The following KANK1 variants were observed in gnomAD, a reference collection of about 807,000 sequenced individuals.
KANK1 encodes KN motif and ankyrin repeat domains 1, also known as KN motif and ankyrin repeat domain-containing protein 1.
A neutral mutation model predicts 106.2 loss-of-function variants in KANK1; 109 were observed. The observed-to-expected ratio is 1.03, with a 90% CI of 0.88 to 1.20. The LOEUF is 1.20. Ranked by LOEUF, KANK1 falls within the 50% of genes most tolerant of loss-of-function variation. The probability of loss-of-function intolerance (pLI) is 0.00; values close to 1 mark genes in which losing one functional copy is unlikely to be tolerated. For synonymous variants in KANK1, 873 were observed against 652.2 expected, an observed-to-expected ratio of 1.34 and a Z score of -5.16; for missense variants, 2,399 against 1,710.7, an observed-to-expected ratio of 1.40 and a Z score of -7.10.
chr9:744,506 C>T lies in KANK1; in HGVS notation c.3913C>T (p.Leu1305Phe), dbSNP rs1453477258. ...HLEDNDGSTALSIALEAGHKD... is the reference protein window; with the variant it reads ...HLEDNDGSTAFSIALEAGHKD... ...TTATCTTAAGGATGGCAGCACTGCGCTCTCAATCGCCCTGGAAGCAGGACA... is the reference window on the plus strand; with the variant it reads ...TTATCTTAAGGATGGCAGCACTGCGTTCTCAATCGCCCTGGAAGCAGGACA... Residue 1305 changes from leucine to phenylalanine, a missense_variant, in exon 11 of 12, where the codon CTC becomes TTC. Physicochemically the swap from Leu to Phe is conservative, Grantham distance 22. Transcript: ENST00000382297. The T allele has an allele frequency of 2.5e-6, 4 of 1,613,958 alleles. No individual in the cohort carries two copies. Among genetic ancestry groups the T allele is most frequent in the African/African-American group, 2.7e-5 (2 of 74,952 alleles).
At chr9:730,006 T>A (rs746240752) in intron 3 of KANK1, 45 bp from the exon 4 acceptor site, 4 of 1,528,512 alleles carry the variant, frequency 2.6e-6, no homozygotes, top group Non-Finnish European at 2.7e-6. Context: ...GCCTGCTTTT[T>A]CAGTCCTAGC....
chr9:535,027 C>T (rs969066055), intron 1 of KANK1, among the ~76,000 whole-genome samples: 9 of 152,194 alleles, frequency 5.9e-5, no homozygotes, highest in East Asian at 3.9e-4. Flanking sequence ...TGCTGGGCCT[C>T]GCAGCCGTGG....
intron 3 of KANK1, among the ~76,000 whole-genome samples, chr9:483,932 G>C (rs1373866413): frequency 6.6e-6 from 1 of 152,176 alleles, no homozygotes; most frequent in Non-Finnish European, 1.5e-5. Flanking sequence ...ATGATTTGAA[G>C]AGAAGATACC....
In KANK1 at chr9:538,429, T is replaced by C. The variant is rs562160736; in HGVS notation, c.-84+33675T>C. ...AGGAAGAAGAGGGAAAGAAAAACAT[T>C]TATAGCATTTCAGTAAAGATTACTC... is the stretch of plus-strand genomic sequence containing the variant. On this transcript the variant is annotated intron_variant, in intron 1 of 11. Transcript: ENST00000382297. Among the ~76,000 whole-genome samples the C allele has an allele frequency of 2.0e-5, 3 of 152,272 alleles. No homozygotes were observed. In the South Asian group the frequency reaches 6.2e-4, roughly 32 times the overall value.
At chr9:736,866 G>A (rs1166915720) in intron 7 of KANK1, among the ~76,000 whole-genome samples, 1 of 152,152 alleles carries the variant, frequency 6.6e-6, no homozygotes, top group Non-Finnish European at 1.5e-5. Context: ...TAAAACTGGT[G>A]CCTTACAACC....
chr9:704,305 C>G (rs974303043), intron 2 of KANK1, among the ~76,000 whole-genome samples: 3 of 152,130 alleles, frequency 2.0e-5, no homozygotes, highest in African/African-American at 7.2e-5. Flanking sequence ...CCACAAAGTC[C>G]TTTGAGGCCC....
chr9:549,124 A>T (rs562670944), intron 1 of KANK1: 25 of 151,760 alleles, frequency 1.6e-4, no homozygotes, highest in African/African-American at 5.6e-4. Flanking sequence ...GGACAAAGAA[A>T]CCTGTGTGAA....
At chr9:686,909 ATCT>A (rs1440748765) in intron 2 of KANK1, 1 of 984,152 alleles carries the variant, frequency 1.0e-6, no homozygotes, top group African/African-American at 1.8e-5. Flanking sequence ...GAGACTAAAC[ATCT>A]TCTAGAAAGG....
At chr9:727,154 G>A (rs1016152487) in intron 3 of KANK1, among the ~76,000 whole-genome samples, 4 of 152,100 alleles carry the variant, frequency 2.6e-5, no homozygotes, top group Admixed American at 2.6e-4. Context: ...CAGACTGTCT[G>A]CCTCTTTTTA....
At chr9:539,302 A>G (rs1367157111) in intron 1 of KANK1, among the ~76,000 whole-genome samples, 1 of 152,228 alleles carries the variant, frequency 6.6e-6, no homozygotes, top group African/African-American at 2.4e-5. Context: ...TTGGAATTTT[A>G]ATAGGAATAG....
intron 8 of KANK1, 118 bp downstream of exon 8, chr9:738,622 G>C: frequency 1.3e-6 from 1 of 785,592 alleles, no homozygotes; most frequent in East Asian, 2.6e-5. Flanking sequence ...CCTTTTTATT[G>C]CTTTTCCACA....
chr9:589,065 C>T (rs1421723909), intron 1 of KANK1, among the ~76,000 whole-genome samples: 2 of 152,200 alleles, frequency 1.3e-5, no homozygotes. Context: ...AATTACCTTC[C>T]GTGACTCAGT....
At chr9:567,479 C>T (rs1563781402) in intron 1 of KANK1, among the ~76,000 whole-genome samples, 1 of 152,184 alleles carries the variant, frequency 6.6e-6, no homozygotes, top group Non-Finnish European at 1.5e-5. Context: ...TTTGCCCATG[C>T]CCAGGAATGA....
intron 8 of KANK1, among the ~76,000 whole-genome samples, chr9:739,381 CA>C (rs1360068323): frequency 6.6e-6 from 1 of 152,154 alleles, no homozygotes; most frequent in Non-Finnish European, 1.5e-5. Flanking sequence ...TGTCTTCATC[CA>C]CTGTCCAATC....
chr9:657,501 C>G (rs776268486), intron 1 of KANK1, among the ~76,000 whole-genome samples: 1 of 152,074 alleles, frequency 6.6e-6, no homozygotes, highest in Non-Finnish European at 1.5e-5. Flanking sequence ...ACAACTCTCA[C>G]CAATGTAGGG....
chr9:645,089 A>C (rs1483157476), intron 1 of KANK1, among the ~76,000 whole-genome samples: 3 of 132,518 alleles, frequency 2.3e-5, no homozygotes, highest in African/African-American at 9.5e-5. Flanking sequence ...ACACCACTGC[A>C]CTCCAGCCTC....
chr9:631,446 A>G (rs950910811), intron 1 of KANK1, among the ~76,000 whole-genome samples: 7 of 152,132 alleles, frequency 4.6e-5, no homozygotes, highest in African/African-American at 1.7e-4. Context: ...GAGCTCAGCC[A>G]TCCCACGCAC....
intron 1 of KANK1, among the ~76,000 whole-genome samples, chr9:646,443 A>G (rs370249768): frequency 3.3e-5 from 5 of 151,226 alleles, no homozygotes; most frequent in African/African-American, 9.9e-5. Flanking sequence ...AGCTTTCCCA[A>G]TGGTACATGA....
intron 1 of KANK1, among the ~76,000 whole-genome samples, chr9:628,409 G>A (rs1003859150): frequency 6.6e-6 from 1 of 152,112 alleles, no homozygotes; most frequent in Non-Finnish European, 1.5e-5. Context: ...CTCCCAGTAG[G>A]GGGGGTTCCT....
Sources: gnomAD v4.1 joint callset for allele counts (sites outside exome capture counted in the v4.1 genomes callset) on GRCh38, gnomAD v4.1.1 for gene constraint, MANE v1.5 for transcripts, NCBI Gene and HGNC (gene_info 2026-07-23, HGNC 2026-07-21) for gene names.